The following SMAD6 variants were observed in gnomAD, a reference collection of about 807,000 sequenced individuals.
The protein encoded by SMAD6 is SMAD family member 6.
SMAD6 carries 103 observed loss-of-function variants against 39.4 expected under a neutral mutation model. That is an observed-to-expected ratio of 2.62 (90% CI 2.23 to 3.08). The LOEUF (loss-of-function observed/expected upper bound fraction) is 3.08. SMAD6 is among the 30% of genes most tolerant of loss of function. The probability of loss-of-function intolerance (pLI) is 0.00; values close to 1 mark genes in which losing one functional copy is unlikely to be tolerated. For missense variants in SMAD6, 1,104 were observed against 742.9 expected (o/e 1.49, Z -5.65); for synonymous variants, 445 against 353.3 (o/e 1.26, Z -2.91).
At chr15:66,726,447 G>A (rs932773050) in intron 3 of SMAD6, among the ~76,000 whole-genome samples, 3 of 152,172 alleles carry the variant, frequency 2.0e-5, no homozygotes, top group Non-Finnish European at 4.4e-5. Context: ...GGGTTGGGGG[G>A]CTAGGTGATG....
intron 3 of SMAD6, among the ~76,000 whole-genome samples, chr15:66,759,424 T>C (rs1369856304): frequency 6.6e-6 from 1 of 152,218 alleles, no homozygotes; most frequent in Non-Finnish European, 1.5e-5. Context: ...AAGTAGCTTT[T>C]GGTTACATGG....
At chr15:66,736,124 C>T (rs967137862) in intron 3 of SMAD6, among the ~76,000 whole-genome samples, 1 of 152,068 alleles carries the variant, frequency 6.6e-6, no homozygotes, top group Non-Finnish European at 1.5e-5. Flanking sequence ...TCTTCCATCT[C>T]GGTGATTTCA....
intron 1 of SMAD6, among the ~76,000 whole-genome samples, chr15:66,711,243 C>G (rs868361193): frequency 1.4e-4 from 21 of 152,176 alleles, no homozygotes; most frequent in African/African-American, 4.8e-4. Flanking sequence ...AACCCTGGCT[C>G]TGACTTTCCC....
intron 3 of SMAD6, among the ~76,000 whole-genome samples, chr15:66,738,734 A>G (rs1018719276): frequency 2.0e-5 from 3 of 151,934 alleles, no homozygotes; most frequent in Non-Finnish European, 4.4e-5. Flanking sequence ...TGGGTGTGGG[A>G]GTGGCTGTGT....
chr15:66,743,258 G>A (rs1419145335), intron 3 of SMAD6, among the ~76,000 whole-genome samples: 1 of 152,112 alleles, frequency 6.6e-6, no homozygotes, highest in Admixed American at 6.6e-5. Flanking sequence ...TCTGGGCTGG[G>A]TAGTTATCTC....
intron 3 of SMAD6, among the ~76,000 whole-genome samples, chr15:66,775,026 A>AT (rs1056894817): frequency 1.3e-5 from 2 of 151,466 alleles, no homozygotes; most frequent in Non-Finnish European, 2.9e-5. Flanking sequence ...CACCCGGGTG[A>AT]TTTTTTTGTA....
At position 66,703,450 on chromosome 15, in the gene SMAD6, C is replaced by T. The variant is rs1242699041; in HGVS notation, c.192C>T (p.Ala64=). The T allele has an allele frequency of 2.5e-5, 32 of 1,273,458 alleles. No individual in the cohort carries two copies. Among genetic ancestry groups the T allele is most frequent in the South Asian group, 6.1e-5 (2 of 32,558 alleles). 78.9% of individuals were successfully genotyped at this position (1,273,458 alleles called of 1,614,324 possible). A position where few individuals can be genotyped will look rare whatever the true frequency, so the allele number is the denominator to read the frequency against. ...GCGRSEVRPV[A]PRRPRDAVGQ... is the part of the protein sequence containing the mutation. ...GCCGCTCCGAAGTCCGCCCGGTAGC[C>T]CCGCGGCGGCCCCGGGACGCAGTGG... The change falls in exon 1 of 4, where the codon GCC becomes GCT. Residue 64 remains alanine (A), a synonymous_variant. Transcript: ENST00000288840.
intron 3 of SMAD6, among the ~76,000 whole-genome samples, chr15:66,762,806 A>T (rs1407788765): frequency 1.3e-5 from 2 of 152,106 alleles, no homozygotes; most frequent in South Asian, 2.1e-4. Flanking sequence ...TGGTGGTAGG[A>T]TGCTTGCACA....
In SMAD6 at chr15:66,703,119, G is replaced by A. The variant is rs1193848579; in HGVS notation, c.-140G>A. On this transcript the variant is annotated 5_prime_UTR_variant, in exon 1 of 4. Coordinates refer to ENST00000288840, the MANE Select transcript of SMAD6 (RefSeq NM_005585.5). ...CCCTGCGGCGCCCCTTCGACGACAGGCTGTGCGCGGTCTGCACGGCGCTCC... is the reference window on the plus strand; with the variant it reads ...CCCTGCGGCGCCCCTTCGACGACAGACTGTGCGCGGTCTGCACGGCGCTCC... 1.1e-5 allele frequency: 6 copies of A among 550,574 alleles called. No homozygotes were observed. In the East Asian group the frequency reaches 1.8e-4, roughly 16 times the overall value. The allele number at this position is 550,574 out of a possible 1,614,324, so 34.1% of individuals were successfully genotyped here.
At chr15:66,768,482 G>C (rs1894327572) in intron 3 of SMAD6, among the ~76,000 whole-genome samples, 1 of 152,160 alleles carries the variant, frequency 6.6e-6, no homozygotes, top group Non-Finnish European at 1.5e-5. Flanking sequence ...GACTTAGCAA[G>C]CCAGAGAAAT....
At chr15:66,715,049 T>TTA (rs1555434998) in intron 2 of SMAD6, among the ~76,000 whole-genome samples, 84 of 136,902 alleles carry the variant, frequency 6.1e-4, no homozygotes, top group African/African-American at 2.3e-3. Context: ...TTTTTTTTTT[T>TTA]AAAGATTTTT....
intron 3 of SMAD6, among the ~76,000 whole-genome samples, chr15:66,718,882 G>A (rs1020961230): frequency 6.6e-6 from 1 of 152,230 alleles, no homozygotes; most frequent in African/African-American, 2.4e-5. Flanking sequence ...AAGGTTGTGT[G>A]GGAGGGCAGG....
chr15:66,728,791 C>CT (rs1893569712), intron 3 of SMAD6, among the ~76,000 whole-genome samples: 1 of 152,198 alleles, frequency 6.6e-6, no homozygotes, highest in Non-Finnish European at 1.5e-5. Flanking sequence ...TTCTACTAGT[C>CT]TAACATATCC....
chr15:66,780,711 T>G (rs1479603347), intron 3 of SMAD6, among the ~76,000 whole-genome samples: 5 of 152,230 alleles, frequency 3.3e-5, no homozygotes, highest in Non-Finnish European at 7.3e-5. Flanking sequence ...GCATGGTTCA[T>G]GTCTGCGTCC....
chr15:66,721,920 C>T (rs1193872616), intron 3 of SMAD6, among the ~76,000 whole-genome samples: 4 of 152,034 alleles, frequency 2.6e-5, no homozygotes, highest in Admixed American at 6.6e-5. Context: ...CTGGAAGAGG[C>T]GATGTCTTTT....
chr15:66,743,749 A>G (rs554402842), intron 3 of SMAD6, among the ~76,000 whole-genome samples: 1 of 152,324 alleles, frequency 6.6e-6, no homozygotes, highest in South Asian at 2.1e-4. Context: ...TCTTTGCAAA[A>G]TATGGGAAGT....
Position 66,754,371 on chromosome 15 carries a change from C to G in SMAD6, c.953-26626C>G, listed in dbSNP as rs542940440. 2.0e-5 allele frequency among the ~76,000 whole-genome samples: 3 copies of G among 152,304 alleles called. No individual in the cohort carries two copies. In the South Asian group the frequency reaches 6.2e-4, roughly 32 times the overall value. On this transcript the variant is annotated intron_variant, in intron 3 of 3. Coordinates refer to ENST00000288840, the MANE Select transcript of SMAD6 (RefSeq NM_005585.5). ...GCTTTGCGGTATTCAGGGGTTCATA[C>G]TTGCATCTTCTAAACAGCCTCCTCC...
intron 3 of SMAD6, among the ~76,000 whole-genome samples, chr15:66,746,559 C>G (rs1893912761): frequency 1.3e-5 from 2 of 152,088 alleles, no homozygotes; most frequent in Non-Finnish European, 2.9e-5. Context: ...TTGTGCATAC[C>G]TGCTTATTAA....
intron 3 of SMAD6, among the ~76,000 whole-genome samples, chr15:66,779,601 G>T (rs752634637): frequency 6.6e-6 from 1 of 152,182 alleles, no homozygotes; most frequent in Non-Finnish European, 1.5e-5. Context: ...TGTTCTTCTG[G>T]GGCTTCTAGG....
Sources: allele counts gnomAD v4.1 joint callset (sites outside exome capture counted in the v4.1 genomes callset), GRCh38; gene constraint gnomAD v4.1.1; transcripts MANE v1.5; gene names NCBI Gene and HGNC (gene_info 2026-07-23, HGNC 2026-07-21).